Variants in SKP2 observed in about 807,000 individuals in gnomAD.
SKP2 encodes S-phase kinase associated protein 2.
SKP2 carries 16 observed loss-of-function variants against 51.8 expected under a neutral mutation model. That is an observed-to-expected ratio of 0.31 (90% CI 0.21 to 0.47). The LOEUF (loss-of-function observed/expected upper bound fraction) is 0.47. Among genes scored for constraint, SKP2 ranks in the 20% least tolerant of loss-of-function variants. The pLI is 1.00. For missense variants in SKP2, 377 were observed against 505.3 expected, an observed-to-expected ratio of 0.75 and a Z score of 2.43; for synonymous variants, 176 against 198.6, an observed-to-expected ratio of 0.89 and a Z score of 0.96.
intron 6 of SKP2, among the ~76,000 whole-genome samples, chr5:36,170,917 G>A (rs1008033668): frequency 6.6e-6 from 1 of 152,172 alleles, no homozygotes; most frequent in African/African-American, 2.4e-5. Context: ...AGTGAGGGGA[G>A]TACATGCTTT....
chr5:36,184,064 T>C lies in SKP2; in HGVS notation c.*2033T>C. 1 of 968,916 alleles carries C rather than the reference T, an allele frequency of 1.0e-6. No homozygotes were observed. Among genetic ancestry groups the C allele is most frequent in the Non-Finnish European group, 1.5e-6 (1 of 650,998 alleles). The allele number at this position is 968,916 out of a possible 1,614,324, so 60.0% of individuals were successfully genotyped here. A position where few individuals can be genotyped will look rare whatever the true frequency, so the allele number is the denominator to read the frequency against. ...AAACTAAGTTGTATTCCTTTTTTCT[T>C]TCTCTTTTTTTAAGTGCTGTGGTTA... On this transcript the variant is annotated 3_prime_UTR_variant, in exon 10 of 10. Coordinates refer to ENST00000274255, the MANE Select transcript of SKP2 (RefSeq NM_005983.4).
At chr5:36,153,893 G>A (rs1744851679) in intron 2 of SKP2, among the ~76,000 whole-genome samples, 1 of 152,030 alleles carries the variant, frequency 6.6e-6, no homozygotes, top group Non-Finnish European at 1.5e-5. Context: ...GGATAAACAG[G>A]GCATTGACCT....
At chr5:36,179,579 A>G (rs180704775) in intron 9 of SKP2, among the ~76,000 whole-genome samples, 1 of 152,290 alleles carries the variant, frequency 6.6e-6, no homozygotes, top group African/African-American at 2.4e-5. Context: ...AGCTGGAGGT[A>G]GTAAACTAAT....
intron 9 of SKP2, among the ~76,000 whole-genome samples, chr5:36,179,493 T>G (rs1745736430): frequency 6.6e-6 from 1 of 152,170 alleles, no homozygotes; most frequent in Non-Finnish European, 1.5e-5. Flanking sequence ...ATTCCCTTAC[T>G]TCTTAATTGG....
downstream of SKP2, among the ~76,000 whole-genome samples, chr5:36,184,730 C>T (rs249271): frequency 0.057 from 8,601 of 152,228 alleles, 572 homozygotes; most frequent in African/African-American, 0.16. Flanking sequence ...CATACGTTTG[C>T]ATGTGTCTTT....
chr5:36,173,096 G>A (rs1745525075), intron 7 of SKP2, among the ~76,000 whole-genome samples: 1 of 151,154 alleles, frequency 6.6e-6, no homozygotes, highest in African/African-American at 2.4e-5. Flanking sequence ...TTCGTAATAT[G>A]CTTTTTAACC....
chr5:36,161,713 C>T (rs1021629494), intron 2 of SKP2, among the ~76,000 whole-genome samples: 1 of 152,194 alleles, frequency 6.6e-6, no homozygotes, highest in Non-Finnish European at 1.5e-5. Context: ...CCCAGGGCAG[C>T]AGGTGTTTGT....
intron 2 of SKP2, 123 bp from the exon 3 acceptor site, chr5:36,163,517 GTAATT>G: frequency 3.2e-6 from 2 of 627,000 alleles, no homozygotes; most frequent in Non-Finnish European, 2.9e-6. Flanking sequence ...GTGAGGATGA[GTAATT>G]TAATTTGTGC....
chr5:36,189,244 C>T (rs1273017034), downstream of SKP2, among the ~76,000 whole-genome samples: 1 of 152,228 alleles, frequency 6.6e-6, no homozygotes, highest in Non-Finnish European at 1.5e-5. Flanking sequence ...CTTTCTCCAT[C>T]CAGCTTTGTC....
At chr5:36,186,838 C>T (rs536243338), downstream of SKP2, among the ~76,000 whole-genome samples, 8 of 152,152 alleles carry the variant, frequency 5.3e-5, no homozygotes, top group South Asian at 1.2e-3. Flanking sequence ...CTCCTTGTAC[C>T]TCTGGTAGAA....
At chr5:36,179,508 C>T (rs1745737146) in intron 9 of SKP2, among the ~76,000 whole-genome samples, 1 of 152,128 alleles carries the variant, frequency 6.6e-6, no homozygotes, top group South Asian at 2.1e-4. Flanking sequence ...AATTGGTCTT[C>T]TTCTCTATGT....
chr5:36,152,808 G>C lies in SKP2; in HGVS notation c.46G>C (p.Val16Leu). The change falls in exon 2 of 10, where the codon GTT becomes CTT. Residue 16 changes from valine to leucine, a missense_variant. This residue lies in a region of SKP2 where 115 missense variants were observed against 115.5 expected (regional missense o/e 1.00). Transcript: ENST00000274255. ...LQEIPDLSSN[V>L]ATSFTWGWDS... Reference sequence around the variant, plus strand: ...GGAGATTCCAGACCTGAGTAGCAACGTTGCCACCAGCTTCACGTGGGGATG... The same window carrying C: ...GGAGATTCCAGACCTGAGTAGCAACCTTGCCACCAGCTTCACGTGGGGATG... The C allele has an allele frequency of 1.9e-6, 3 of 1,614,060 alleles. No homozygotes were observed. The highest frequency in any genetic ancestry group is 2.5e-6 in the Non-Finnish European group (3 of 1,180,026).
chr5:36,153,688 C>A (rs1039590479), intron 2 of SKP2, among the ~76,000 whole-genome samples: 1 of 152,192 alleles, frequency 6.6e-6, no homozygotes, highest in Non-Finnish European at 1.5e-5. Context: ...TCGTCTCTTG[C>A]CTGAACTATT....
intron 6 of SKP2, among the ~76,000 whole-genome samples, chr5:36,191,239 T>TAAAA (rs1746017524): frequency 6.6e-6 from 1 of 152,046 alleles, no homozygotes; most frequent in African/African-American, 2.4e-5. Context: ...GAAGACATTT[T>TAAAA]TGATGGTCAC....
intron 6 of SKP2, 141 bp downstream of exon 6, chr5:36,170,583 C>G (rs1026589306): frequency 3.7e-6 from 2 of 541,824 alleles, no homozygotes; most frequent in Non-Finnish European, 6.5e-6. Context: ...ATCTTTTGCC[C>G]TCCTAACTTT....
At chr5:36,180,302 G>A (rs755581548) in intron 9 of SKP2, 2 of 1,308,632 alleles carry the variant, frequency 1.5e-6, no homozygotes, top group Non-Finnish European at 2.0e-6. Context: ...AAGTGATTAA[G>A]TATAAGTATC....
intron 5 of SKP2, among the ~76,000 whole-genome samples, chr5:36,169,980 G>A (rs1357892363): frequency 6.6e-6 from 1 of 152,184 alleles, no homozygotes; most frequent in Non-Finnish European, 1.5e-5. Context: ...GATTTTACAA[G>A]TAGATGTTTG....
chr5:36,176,880 G>T, intron 7 of SKP2, 85 bp from the exon 8 acceptor site: 1 of 820,186 alleles, frequency 1.2e-6, no homozygotes, highest in Admixed American at 2.3e-5. Context: ...CTTCCAGCAT[G>T]ATGTTCAATG....
chr5:36,157,390 G>C (rs1328726769), intron 2 of SKP2, among the ~76,000 whole-genome samples: 1 of 152,174 alleles, frequency 6.6e-6, no homozygotes, highest in Non-Finnish European at 1.5e-5. Flanking sequence ...AGAAATAAAG[G>C]GTTGTGGGAC....
Sources: gnomAD v4.1 joint callset for allele counts (sites outside exome capture counted in the v4.1 genomes callset) on GRCh38, gnomAD v4.1.1 for gene constraint, gnomAD v4.1.1 regional missense constraint, MANE v1.5 for transcripts, NCBI Gene and HGNC (gene_info 2026-07-23, HGNC 2026-07-21) for gene names.